RYR3: variants seen among roughly 807,000 people sequenced by gnomAD.
The protein encoded by RYR3 is ryanodine receptor 3.
RYR3 carries 207 observed loss-of-function variants against 584.3 expected under a neutral mutation model. The ratio of observed to expected loss-of-function variants is 0.35; its 90% confidence interval spans 0.32 to 0.40. The LOEUF (loss-of-function observed/expected upper bound fraction) is 0.40. Ranked by LOEUF, RYR3 falls within the 10% of genes least tolerant of loss-of-function variation. RYR3 has a pLI of 1.00. For missense variants in RYR3, 5,616 were observed against 6,089.2 expected (o/e 0.92, Z 2.59); for synonymous variants, 2,416 against 2,248.5 (o/e 1.07, Z -2.11).
intron 1 of RYR3, among the ~76,000 whole-genome samples, chr15:33,430,450 G>A (rs2045042085): frequency 6.6e-6 from 1 of 152,190 alleles, no homozygotes; most frequent in African/African-American, 2.4e-5. Context: ...TGGTTGAGGA[G>A]GGAGAGCTTT....
chr15:33,704,134 C>T (rs923713175), intron 42 of RYR3, among the ~76,000 whole-genome samples: 3 of 151,892 alleles, frequency 2.0e-5, no homozygotes, highest in Non-Finnish European at 4.4e-5. Flanking sequence ...GTTAGCCAGG[C>T]ATGGTGGTTG....
At chr15:33,712,724 A>G (rs963585576) in intron 43 of RYR3, among the ~76,000 whole-genome samples, 3 of 152,252 alleles carry the variant, frequency 2.0e-5, no homozygotes, top group South Asian at 2.1e-4. Context: ...TAGTGGCTCA[A>G]TCACAACAGA....
At chr15:33,542,593 A>G (rs1269262126) in intron 7 of RYR3, among the ~76,000 whole-genome samples, 7 of 152,130 alleles carry the variant, frequency 4.6e-5, no homozygotes, top group South Asian at 2.1e-4. Flanking sequence ...AACTGAACTC[A>G]TAACAGACTG....
Position 33,628,467 on chromosome 15 carries a change from T to G in RYR3, c.2575-4T>G. On this transcript the variant is annotated splice_polypyrimidine_tract_variant and splice_region_variant and intron_variant, in intron 20 of 103. Coordinates refer to ENST00000634891, the MANE Select transcript of RYR3 (RefSeq NM_001036.6). ...ATTCTTTTCACTTGCTCCTTTTCCT[T>G]TAGGTTATTTTGCCACCTCACCTAG... 1 of 1,591,626 alleles carries G rather than the reference T, an allele frequency of 6.3e-7. No homozygotes were observed. The highest frequency in any genetic ancestry group is 8.6e-7 in the Non-Finnish European group (1 of 1,159,566).
Position 33,853,576 on chromosome 15 carries a change from C to G in RYR3, c.13693C>G (p.Leu4565Val). 2 of 1,613,828 alleles carry G rather than the reference C, an allele frequency of 1.2e-6. 1 individual carries two copies. The highest frequency in any genetic ancestry group is 2.2e-5 in the South Asian group (2 of 91,050). The part of the protein sequence containing the change: ...KRKVINKYGD[L>V]YGAERIAELL... ...TCAGGTGATCAACAAGTATGGAGAT[C>G]TCTACGGAGCAGAACGCATTGCTGA... The change falls in exon 96 of 104, where the codon CTC becomes GTC. Residue 4565 changes from leucine (L) to valine (V), a missense_variant. Physicochemically the swap from Leu to Val is conservative, Grantham distance 32. Transcript: ENST00000634891.
In RYR3 at chr15:33,677,926, G is replaced by A. The variant is rs145394614; in HGVS notation, c.5860+7370G>A. Among the ~76,000 whole-genome samples, 351 of 152,258 alleles carry A rather than the reference G, an allele frequency of 2.3e-3. 11 individuals are homozygous for A. In the East Asian group the frequency reaches 0.045, roughly 19 times the overall value. The stretch of plus-strand genomic sequence containing the variant: ...AGCCAATCACGGATAGAGTCAGGAG[G>A]CTCCATATCCACTACGCCTTCTGGA... On this transcript the variant is annotated intron_variant, in intron 38 of 103. Coordinates refer to ENST00000634891, the MANE Select transcript of RYR3 (RefSeq NM_001036.6).
At chr15:33,782,316 C>T (rs1485155763) in intron 65 of RYR3, among the ~76,000 whole-genome samples, 1 of 152,166 alleles carries the variant, frequency 6.6e-6, no homozygotes, top group Non-Finnish European at 1.5e-5. Context: ...TGTTCCTTTT[C>T]ATTCTATATA....
At chr15:33,505,355 T>G (rs750992662) in intron 3 of RYR3, among the ~76,000 whole-genome samples, 2 of 152,244 alleles carry the variant, frequency 1.3e-5, no homozygotes, top group Non-Finnish European at 2.9e-5. Flanking sequence ...AATAGTTTGC[T>G]TTGTGTCTTA....
intron 57 of RYR3, among the ~76,000 whole-genome samples, chr15:33,754,654 G>A (rs968098825): frequency 5.9e-5 from 9 of 152,086 alleles, no homozygotes; most frequent in Non-Finnish European, 1.0e-4. Flanking sequence ...CGCGGTGGCC[G>A]GCCTTTCTGG....
At chr15:33,862,307 G>A (rs1299043993) in intron 102 of RYR3, among the ~76,000 whole-genome samples, 1 of 152,100 alleles carries the variant, frequency 6.6e-6, no homozygotes, top group East Asian at 1.9e-4. Flanking sequence ...CCACCTCCCA[G>A]GCTCAAGACA....
Position 33,662,747 on chromosome 15 carries a change from T to C in RYR3, c.5217T>C (p.Asp1739=), listed in dbSNP as rs1039031106. ...CCCTGCTGGTCATGGGCGTGTTTGA[T>C]GATGATGATGTTCGGCAGATCCTCC... is the stretch of plus-strand genomic sequence containing the variant. ...IGTLLVMGVF[D]DDDVRQILLL... The change falls in exon 35 of 104, where the codon GAT becomes GAC. Residue 1739 remains aspartate (D), a synonymous_variant. Coordinates refer to ENST00000634891, the MANE Select transcript of RYR3 (RefSeq NM_001036.6). The C allele has an allele frequency of 6.8e-6, 11 of 1,613,994 alleles. No individual in the cohort carries two copies. In the East Asian group the frequency reaches 2.5e-4, roughly 36 times the overall value.
intron 10 of RYR3, 48 bp downstream of exon 10, chr15:33,550,364 T>A (rs1301059149): frequency 6.5e-7 from 1 of 1,548,588 alleles, no homozygotes; most frequent in South Asian, 1.2e-5. Context: ...AAGTGAAAAC[T>A]CAGAAACCTC....
chr15:33,511,747 A>G (rs1324754598), intron 3 of RYR3, among the ~76,000 whole-genome samples: 2 of 152,094 alleles, frequency 1.3e-5, no homozygotes, highest in Non-Finnish European at 2.9e-5. Context: ...CTCATTTTTT[A>G]TTTCTTCAAA....
intron 1 of RYR3, among the ~76,000 whole-genome samples, chr15:33,378,806 A>C (rs927179893): frequency 2.0e-5 from 3 of 152,164 alleles, no homozygotes; most frequent in Admixed American, 2.0e-4. Context: ...CTCTATAAAA[A>C]ATAAGAAGAT....
rs887266968 is a variant in RYR3, at chr15:33,514,887, C to T, written c.279+11149C>T. On this transcript the variant is annotated intron_variant, in intron 3 of 103. Coordinates refer to ENST00000634891, the MANE Select transcript of RYR3 (RefSeq NM_001036.6). Reference sequence around the variant, plus strand: ...GGCATGGTGGCGGGCGCCTGTAGTCCCAGCTACTTGGGAGGCTGAGGCGGG... The same window carrying T: ...GGCATGGTGGCGGGCGCCTGTAGTCTCAGCTACTTGGGAGGCTGAGGCGGG... Among the ~76,000 whole-genome samples, 25 of 151,892 alleles carry T rather than the reference C, an allele frequency of 1.6e-4. No individual in the cohort carries two copies. In the Middle Eastern group the frequency reaches 0.01, roughly 62 times the overall value.
intron 74 of RYR3, chr15:33,816,029 T>G: frequency 2.5e-6 from 1 of 395,016 alleles, no homozygotes; most frequent in Admixed American, 4.4e-5. Context: ...ATTTGTACAA[T>G]TTTTAGGAAG....
In RYR3 at chr15:33,826,722, C is replaced by CT; in HGVS notation, c.11216dup (p.Gln3740ThrfsTer5). On this transcript the variant is annotated frameshift_variant, in exon 84 of 104. Coordinates refer to ENST00000634891, the MANE Select transcript of RYR3 (RefSeq NM_001036.6). LOFTEE classifies it high-confidence loss of function. ...GTTCACGCGTGATCTCTTTAGATTC[C>CT]TACAGTTACTTTGTGAGGGACATAA... The CT allele has an allele frequency of 6.2e-7, 1 of 1,613,494 alleles. No homozygotes were observed. Among genetic ancestry groups the CT allele is most frequent in the Non-Finnish European group, 8.5e-7 (1 of 1,179,662 alleles).
Position 33,652,710 on chromosome 15 carries a change from G to T in RYR3, c.4143-8G>T, listed in dbSNP as rs1035872823. ...AGATTCTGTGCCTTTTCCTGTCTTG[G>T]CTCCTAGTGTGAAACGCAGCAACTG... On this transcript the variant is annotated splice_polypyrimidine_tract_variant and splice_region_variant and intron_variant, in intron 31 of 103. Coordinates refer to ENST00000634891, the MANE Select transcript of RYR3 (RefSeq NM_001036.6). 1 of 1,611,824 alleles carries T rather than the reference G, an allele frequency of 6.2e-7. No individual in the cohort carries two copies. Among genetic ancestry groups the T allele is most frequent in the African/African-American group, 1.3e-5 (1 of 74,814 alleles).
intron 43 of RYR3, among the ~76,000 whole-genome samples, chr15:33,718,523 C>T (rs1464846943): frequency 2.0e-5 from 3 of 152,102 alleles, no homozygotes; most frequent in Non-Finnish European, 4.4e-5. Flanking sequence ...GGAACAGGTC[C>T]TCTGGGGTTC....
Sources: gnomAD v4.1 joint callset for allele counts (sites outside exome capture counted in the v4.1 genomes callset) on GRCh38, gnomAD v4.1.1 for gene constraint, MANE v1.5 for transcripts, NCBI Gene and HGNC (gene_info 2026-07-23, HGNC 2026-07-21) for gene names.